Variants in SLC25A46 observed in about 807,000 individuals in gnomAD.
The protein encoded by SLC25A46 is solute carrier family 25 member 46, also known as mitochondrial outer membrane protein SLC25A46.
In SLC25A46, 39 loss-of-function variants were observed where a neutral mutation model predicts 44.6. That is an observed-to-expected ratio of 0.87 (90% CI 0.68 to 1.14). The LOEUF (loss-of-function observed/expected upper bound fraction) is 1.14, where lower values mean the gene tolerates loss of function less well. SLC25A46 is among the 50% of genes most tolerant of loss of function. The pLI, the probability that SLC25A46 is intolerant of heterozygous loss-of-function variation, is 0.00. For synonymous variants in SLC25A46, 202 were observed against 185.8 expected, an observed-to-expected ratio of 1.09 and a Z score of -0.71; for missense variants, 547 against 522.7, an observed-to-expected ratio of 1.05 and a Z score of -0.45.
At chr5:110,748,992 A>G (rs1799887871) in intron 5 of SLC25A46, among the ~76,000 whole-genome samples, 1 of 152,176 alleles carries the variant, frequency 6.6e-6, no homozygotes, top group Admixed American at 6.6e-5. Context: ...GTATAGACAG[A>G]TTTATGGAGA....
intron 1 of SLC25A46, among the ~76,000 whole-genome samples, chr5:110,740,316 T>C (rs1377214146): frequency 1.3e-5 from 2 of 152,198 alleles, no homozygotes; most frequent in African/African-American, 4.8e-5. Flanking sequence ...GACTTTGACT[T>C]GGAAGTACAA....
At chr5:110,757,786 T>C (rs1800153816) in intron 7 of SLC25A46, among the ~76,000 whole-genome samples, 1 of 152,092 alleles carries the variant, frequency 6.6e-6, no homozygotes, top group Non-Finnish European at 1.5e-5. Flanking sequence ...AAGGGAAAAA[T>C]GTCAGGAAGG....
rs149199100 is a variant in SLC25A46 at position 110,739,062 on chromosome 5, T to C, written c.-58T>C. On this transcript the variant is annotated 5_prime_UTR_variant, in exon 1 of 8. Coordinates refer to ENST00000355943, the MANE Select transcript of SLC25A46 (RefSeq NM_138773.4). ...CGGGAAGCTGTGTGTGCTTAGGTCGTGGTGGCCCCGGTGGTGGTGGGCTCC... is the reference window on the plus strand; with the variant it reads ...CGGGAAGCTGTGTGTGCTTAGGTCGCGGTGGCCCCGGTGGTGGTGGGCTCC... 2.2e-3 allele frequency: 3,413 copies of C among 1,526,334 alleles called. 70 individuals are homozygous for C. The African/African-American group carries it at 0.041, about 19-fold the overall frequency. 94.5% of individuals were successfully genotyped at this position (1,526,334 alleles called of 1,614,324 possible). A position where few individuals can be genotyped will look rare whatever the true frequency, so the allele number is the denominator to read the frequency against.
At chr5:110,753,883 G>A (rs952284476) in intron 5 of SLC25A46, 3 of 152,100 alleles carry the variant, frequency 2.0e-5, no homozygotes, top group Non-Finnish European at 4.4e-5. Flanking sequence ...GTAATACTTT[G>A]TGAGGCCATG....
At chr5:110,758,792 A>G (rs2150417432) in intron 7 of SLC25A46, among the ~76,000 whole-genome samples, 1 of 152,196 alleles carries the variant, frequency 6.6e-6, no homozygotes, top group East Asian at 1.9e-4. Context: ...AAAAAAAATA[A>G]AAAAGAAAGA....
rs1244358396 is a variant in SLC25A46, at chr5:110,739,254, T to A, written c.135T>A (p.Thr45=). 1 of 1,583,762 alleles carries A rather than the reference T, an allele frequency of 6.3e-7. No individual in the cohort carries two copies. Among genetic ancestry groups the A allele is most frequent in the Non-Finnish European group, 8.6e-7 (1 of 1,165,930 alleles). Residue 45 remains threonine, a synonymous_variant, in exon 1 of 8, where the codon ACT becomes ACA. Coordinates refer to ENST00000355943, the MANE Select transcript of SLC25A46 (RefSeq NM_138773.4). The stretch of plus-strand genomic sequence containing the variant: ...CGGACCTGGGCCACTGGGTGACGAC[T>A]CCCCCAGATATCCCCGGCAGCCGCA... The part of the protein sequence containing the change: ...TGSDLGHWVT[T]PPDIPGSRNL...
chr5:110,742,118 CT>C, intron 2 of SLC25A46, 29 bp downstream of exon 2: 1 of 1,454,954 alleles, frequency 6.9e-7, no homozygotes. Context: ...ACGTTTACAG[CT>C]TTTATTTATT....
Position 110,761,840 on chromosome 5 carries a change from A to AGTT in SLC25A46, c.*59_*61dup, listed in dbSNP as rs562293752. The AGTT allele has an allele frequency of 8.3e-4, 1,142 of 1,380,960 alleles. 3 individuals carry two copies. Among genetic ancestry groups the AGTT allele is most frequent in the Middle Eastern group, 5.6e-3 (28 of 4,980 alleles). 85.5% of individuals were successfully genotyped at this position (1,380,960 alleles called of 1,614,324 possible). A position where few individuals can be genotyped will look rare whatever the true frequency, so the allele number is the denominator to read the frequency against. ...ATATAATCTGGATAATTTGCTATGA[A>AGTT]GTTATGAGGGATACAAGTGAAATAC... On this transcript the variant is annotated 3_prime_UTR_variant, in exon 8 of 8. Transcript: ENST00000355943. This position sits in a 1 kb window ranked among gnomAD's most constrained non-coding sequence, Gnocchi z 5.3.
chr5:110,757,973 C>T (rs4957918), intron 7 of SLC25A46, among the ~76,000 whole-genome samples: 20,200 of 152,054 alleles, frequency 0.13, 1,518 homozygotes, highest in East Asian at 0.22. Context: ...TAATAACTGA[C>T]GTGTAACATT....
Position 110,761,950 on chromosome 5 carries a change from A to G in SLC25A46, c.*168A>G. The G allele has an allele frequency of 1.7e-6, 1 of 572,530 alleles. No homozygotes were observed. Among genetic ancestry groups the G allele is most frequent in the Non-Finnish European group, 3.0e-6 (1 of 334,468 alleles). 35.5% of individuals were successfully genotyped at this position (572,530 alleles called of 1,614,324 possible). The stretch of plus-strand genomic sequence containing the variant: ...ACTTTGTTTTTTAAGGCATAGGTAT[A>G]TATTTTGGATCAAAATCCTTCCAAA... On this transcript the variant is annotated 3_prime_UTR_variant, in exon 8 of 8. Coordinates refer to ENST00000355943, the MANE Select transcript of SLC25A46 (RefSeq NM_138773.4). The surrounding 1 kb of genome is among the most constrained non-coding windows in gnomAD (Gnocchi z 5.3).
Position 110,743,671 on chromosome 5 carries a change from G to T in SLC25A46, c.327-59G>T, listed in dbSNP as rs984636181. 8.5e-6 allele frequency: 8 copies of T among 942,018 alleles called. No homozygotes were observed. The African/African-American group carries it at 1.2e-4, about 14-fold the overall frequency. 58.4% of individuals were successfully genotyped at this position (942,018 alleles called of 1,614,324 possible). On this transcript the variant is annotated intron_variant, in intron 2 of 7. Coordinates refer to ENST00000355943, the MANE Select transcript of SLC25A46 (RefSeq NM_138773.4). ...CAAGAATAATTTCAGAAAGATACCTGTTGTAAATTTAATTTATCTCTATGT... is the reference window on the plus strand; with the variant it reads ...CAAGAATAATTTCAGAAAGATACCTTTTGTAAATTTAATTTATCTCTATGT...
chr5:110,740,329 A>C (rs778482098), intron 1 of SLC25A46, among the ~76,000 whole-genome samples: 4 of 152,196 alleles, frequency 2.6e-5, no homozygotes, highest in Non-Finnish European at 5.9e-5. Flanking sequence ...AAGTACAATA[A>C]TATTTAACTA....
chr5:110,752,638 TTCA>T (rs1799994497), intron 5 of SLC25A46, among the ~76,000 whole-genome samples: 1 of 152,190 alleles, frequency 6.6e-6, no homozygotes, highest in Admixed American at 6.6e-5. Flanking sequence ...CTTCCTCAAA[TTCA>T]ATAGATTTCC....
At chr5:110,747,564 A>G (rs1339244458) in intron 4 of SLC25A46, among the ~76,000 whole-genome samples, 1 of 152,072 alleles carries the variant, frequency 6.6e-6, no homozygotes, top group African/African-American at 2.4e-5. Context: ...AAATAATAGG[A>G]GTATTACTGA....
Position 110,741,863 on chromosome 5 carries a change from C to G in SLC25A46, c.284-184C>G, listed in dbSNP as rs1799699904. On this transcript the variant is annotated intron_variant, in intron 1 of 7. Coordinates refer to ENST00000355943, the MANE Select transcript of SLC25A46 (RefSeq NM_138773.4). Reference sequence around the variant, plus strand: ...TACACCTTGCAATTTGCCACAGACCCCAGCAGAGTCCTTCATTCATTTAAA... The same window carrying G: ...TACACCTTGCAATTTGCCACAGACCGCAGCAGAGTCCTTCATTCATTTAAA... 6 of 541,608 alleles carry G rather than the reference C, an allele frequency of 1.1e-5. No homozygotes were observed. In the South Asian group the frequency reaches 1.5e-4, roughly 14 times the overall value. 33.6% of individuals were successfully genotyped at this position (541,608 alleles called of 1,614,324 possible). A position where few individuals can be genotyped will look rare whatever the true frequency, so the allele number is the denominator to read the frequency against.
At position 110,762,046 on chromosome 5, in the gene SLC25A46, A is replaced by T; in HGVS notation, c.*264A>T. The T allele has an allele frequency of 3.3e-6, 1 of 304,146 alleles. No homozygotes were observed. The highest frequency in any genetic ancestry group is 6.1e-6 in the Non-Finnish European group (1 of 164,462). The allele number at this position is 304,146 out of a possible 1,614,324, so 18.8% of individuals were successfully genotyped here. A position where few individuals can be genotyped will look rare whatever the true frequency, so the allele number is the denominator to read the frequency against. ...TAGCACTCATGCTGAAGTAAACATG[A>T]TCGTAGGCAGAAGCAAAATTTTATT... On this transcript the variant is annotated 3_prime_UTR_variant, in exon 8 of 8. Coordinates refer to ENST00000355943, the MANE Select transcript of SLC25A46 (RefSeq NM_138773.4).
At chr5:110,756,040 A>G (rs1800103144) in intron 6 of SLC25A46, 1 of 152,174 alleles carries the variant, frequency 6.6e-6, no homozygotes, top group South Asian at 2.1e-4. Flanking sequence ...CCTCAGTGGG[A>G]CATTCCAGCA....
chr5:110,759,904 C>T (rs1378703709), intron 7 of SLC25A46, among the ~76,000 whole-genome samples: 1 of 152,096 alleles, frequency 6.6e-6, no homozygotes, highest in Non-Finnish European at 1.5e-5. Context: ...TAAAGACTCC[C>T]ACATTTATAA....
At chr5:110,758,559 G>A (rs776516711) in intron 7 of SLC25A46, among the ~76,000 whole-genome samples, 1 of 151,890 alleles carries the variant, frequency 6.6e-6, no homozygotes, top group African/African-American at 2.4e-5. Flanking sequence ...GCCTAGGTGG[G>A]CGGATCATGA....
Sources: gnomAD v4.1 joint callset for allele counts (sites outside exome capture counted in the v4.1 genomes callset) on GRCh38, gnomAD v4.1.1 for gene constraint, Gnocchi (gnomAD v3.1) non-coding constraint, MANE v1.5 for transcripts, NCBI Gene and HGNC (gene_info 2026-07-23, HGNC 2026-07-21) for gene names.